LIMS2: variants seen among roughly 807,000 people sequenced by gnomAD.
LIMS2 encodes the protein LIM zinc finger domain containing 2.
LIMS2 carries 30 observed loss-of-function variants against 45.3 expected under a neutral mutation model. The observed-to-expected ratio is 0.66, with a 90% CI of 0.50 to 0.90. The LOEUF (loss-of-function observed/expected upper bound fraction) is 0.90, where lower values mean the gene tolerates loss of function less well. LIMS2 is among the 40% of genes least tolerant of loss of function. LIMS2 has a pLI of 0.00. For synonymous variants in LIMS2, 173 were observed against 188.0 expected (o/e 0.92, Z 0.65); for missense variants, 485 against 468.7 (o/e 1.03, Z -0.32).
chr2:127,654,669 T>C, intron 3 of LIMS2, 125 bp from the exon 4 acceptor site: 2 of 1,509,470 alleles, frequency 1.3e-6, no homozygotes, highest in Non-Finnish European at 1.8e-6. Flanking sequence ...CCTCGTGGGA[T>C]GGTGATGCCT....
chr2:127,650,536 T>A, intron 4 of LIMS2: 1 of 589,814 alleles, frequency 1.7e-6, no homozygotes, highest in South Asian at 2.2e-5. Flanking sequence ...AAGTTCAGAA[T>A]GCCTCTGACG....
chr2:127,643,084 G>A lies in LIMS2; in HGVS notation c.360-12C>T, dbSNP rs781031135. 2.1e-5 allele frequency: 33 copies of A among 1,558,234 alleles called. No individual in the cohort carries two copies. The highest frequency in any genetic ancestry group is 2.0e-4 in the Middle Eastern group (1 of 5,128). On this transcript the variant is annotated splice_polypyrimidine_tract_variant and intron_variant, in intron 4 of 9. Transcript: ENST00000355119. ...GCCGGCAGAGATGCCTGCGGGAGGCGGGGGCATTAGGGGCAGAGCCCCCAC... is the reference window on the plus strand; with the variant it reads ...GCCGGCAGAGATGCCTGCGGGAGGCAGGGGCATTAGGGGCAGAGCCCCCAC...
rs1178435739 is a variant in LIMS2, at chr2:127,668,693, A to C, written c.11+6321T>G. Among the ~76,000 whole-genome samples, 666 of 134,520 alleles carry C rather than the reference A, an allele frequency of 5.0e-3. 24 individuals are homozygous for C. Among genetic ancestry groups the C allele is most frequent in the African/African-American group, 0.019 (617 of 31,890 alleles). The allele number at this position is 134,520 out of a possible 152,430, so 88.3% of individuals were successfully genotyped here. A position where few individuals can be genotyped will look rare whatever the true frequency, so the allele number is the denominator to read the frequency against. On this transcript the variant is annotated intron_variant, in intron 1 of 9. Coordinates refer to ENST00000355119, the MANE Select transcript of LIMS2 (RefSeq NM_001161403.3). ...CAAAAAAAAAAAAAAAAAAAAAAAAAAAAAAAAAAAAAAAAAAACACCTTA... is the reference window on the plus strand; with the variant it reads ...CAAAAAAAAAAAAAAAAAAAAAAAACAAAAAAAAAAAAAAAAAACACCTTA...
chr2:127,654,629 C>T (rs1333269463), intron 3 of LIMS2, 85 bp from the exon 4 acceptor site: 2 of 1,588,664 alleles, frequency 1.3e-6, no homozygotes, highest in African/African-American at 1.3e-5. Flanking sequence ...ACCTAGCACT[C>T]CGCCTGCTCT....
rs36017044 is a variant in LIMS2 at position 127,644,316 on chromosome 2, C to T, written c.360-1244G>A. Among the ~76,000 whole-genome samples the T allele has an allele frequency of 2.7e-3, 406 of 152,300 alleles. 16 individuals are homozygous for T. In the East Asian group the frequency reaches 0.065, roughly 25 times the overall value. ...ACTCTACAAGAGAGGAAGGGAGCCT[C>T]GGTGGGCATCATCTCCCCTCGACTA... On this transcript the variant is annotated intron_variant, in intron 4 of 9. Coordinates refer to ENST00000355119, the MANE Select transcript of LIMS2 (RefSeq NM_001161403.3).
intron 1 of LIMS2, among the ~76,000 whole-genome samples, chr2:127,668,023 C>T (rs564452299): frequency 2.6e-5 from 4 of 152,246 alleles, no homozygotes; most frequent in East Asian, 1.9e-4. Context: ...ATACCAGAAT[C>T]GCTAGCAATG....
At chr2:127,645,195 C>T (rs1432553072) in intron 4 of LIMS2, among the ~76,000 whole-genome samples, 2 of 152,132 alleles carry the variant, frequency 1.3e-5, no homozygotes, top group Non-Finnish European at 2.9e-5. Flanking sequence ...CCTCAGTTTC[C>T]TTGTCTGTAA....
intron 4 of LIMS2, among the ~76,000 whole-genome samples, chr2:127,649,004 A>AGGGGGGGGAGGGGAGG (rs1683341940): frequency 6.7e-5 from 1 of 14,910 alleles, no homozygotes; most frequent in African/African-American, 2.4e-4. Flanking sequence ...AGGGGAGGGG[A>AGGGGGGGGAGGGGAGG]GGAAGGGGAG....
rs547341494 is a variant in LIMS2 at position 127,665,960 on chromosome 2, T to C, written c.12-8398A>G. On this transcript the variant is annotated intron_variant, in intron 1 of 9. Coordinates refer to ENST00000355119, the MANE Select transcript of LIMS2 (RefSeq NM_001161403.3). ...ACCAAGTACTAATCAATTCAACAAA[T>C]ATTTACTATAAAAGCGGACATCGAA... 1.4e-3 allele frequency among the ~76,000 whole-genome samples: 206 copies of C among 152,288 alleles called. 2 individuals are homozygous for C. Among genetic ancestry groups the C allele is most frequent in the Non-Finnish European group, 2.4e-3 (163 of 68,020 alleles).
At chr2:127,680,878 A>G (rs1685597978) in intron 1 of LIMS2, among the ~76,000 whole-genome samples, 1 of 152,052 alleles carries the variant, frequency 6.6e-6, no homozygotes, top group Admixed American at 6.6e-5. Flanking sequence ...ACATTTTAAC[A>G]CCTCAACACA....
chr2:127,643,250 G>A (rs750222899), intron 4 of LIMS2, 178 bp from the exon 5 acceptor site: 2 of 646,674 alleles, frequency 3.1e-6, no homozygotes, highest in Non-Finnish European at 5.3e-6. Context: ...GGTCACAAGT[G>A]TGTCCTGGGA....
chr2:127,640,468 G>A, intron 7 of LIMS2, 150 bp from the exon 8 acceptor site: 1 of 816,390 alleles, frequency 1.2e-6, no homozygotes, highest in Admixed American at 2.3e-5. Flanking sequence ...CTGGGTTGAG[G>A]GCACGGCAAC....
At position 127,665,083 on chromosome 2, in the gene LIMS2, T is replaced by A. The variant is rs527368903; in HGVS notation, c.12-7521A>T. ...GGTGGCAACCACCAGGAAGGCACCA[T>A]GTACCCCGCATTTTTACCCAGAGAG... On this transcript the variant is annotated intron_variant, in intron 1 of 9. Transcript: ENST00000355119. Among the ~76,000 whole-genome samples the A allele has an allele frequency of 2.6e-5, 4 of 152,218 alleles. No homozygotes were observed. In the East Asian group the frequency reaches 7.7e-4, roughly 29 times the overall value.
chr2:127,648,582 A>T (rs2105248876), intron 4 of LIMS2, among the ~76,000 whole-genome samples: 1 of 152,234 alleles, frequency 6.6e-6, no homozygotes, highest in African/African-American at 2.4e-5. Context: ...TGCCACCAGC[A>T]TCCTGAGACA....
At chr2:127,680,786 C>T (rs977959019) in intron 1 of LIMS2, among the ~76,000 whole-genome samples, 1 of 152,334 alleles carries the variant, frequency 6.6e-6, no homozygotes, top group Non-Finnish European at 1.5e-5. Flanking sequence ...ATCTCACTCT[C>T]GCCTTTGCTC....
chr2:127,639,178 G>C lies in LIMS2; in HGVS notation c.*103C>G, dbSNP rs1682131243. The C allele has an allele frequency of 1.7e-6, 2 of 1,210,624 alleles. No individual in the cohort carries two copies. Among genetic ancestry groups the C allele is most frequent in the Non-Finnish European group, 2.3e-6 (2 of 853,676 alleles). 75.0% of individuals were successfully genotyped at this position (1,210,624 alleles called of 1,614,324 possible). On this transcript the variant is annotated 3_prime_UTR_variant, in exon 10 of 10. Transcript: ENST00000355119. ...GGCAATGAGGAAAGAGAAAGGGAGGGTAAGATGCGGAGGGCACAGGTGGAT... is the reference window on the plus strand; with the variant it reads ...GGCAATGAGGAAAGAGAAAGGGAGGCTAAGATGCGGAGGGCACAGGTGGAT...
chr2:127,669,582 G>A (rs1221047933), intron 1 of LIMS2, among the ~76,000 whole-genome samples: 2 of 152,018 alleles, frequency 1.3e-5, no homozygotes. Context: ...GCCAGGCATG[G>A]TGGCACACGC....
At chr2:127,661,529 T>TAG (rs567827870) in intron 1 of LIMS2, among the ~76,000 whole-genome samples, 2 of 152,078 alleles carry the variant, frequency 1.3e-5, no homozygotes, top group Non-Finnish European at 2.9e-5. Flanking sequence ...TCCTTCAAGA[T>TAG]AGAGAGCACA....
chr2:127,638,987 T>A lies in LIMS2; in HGVS notation c.*294A>T. On this transcript the variant is annotated 3_prime_UTR_variant, in exon 10 of 10. Transcript: ENST00000355119. Reference sequence around the variant, plus strand: ...GGAGCTGTGGTGCAATTTGCTCCTGTCCCTGGAGGTCTGTGGGCGGAAGCT... The same window carrying A: ...GGAGCTGTGGTGCAATTTGCTCCTGACCCTGGAGGTCTGTGGGCGGAAGCT... The A allele has an allele frequency of 2.6e-6, 1 of 388,304 alleles. No individual in the cohort carries two copies. Among genetic ancestry groups the A allele is most frequent in the Non-Finnish European group, 4.7e-6 (1 of 212,768 alleles). 24.1% of individuals were successfully genotyped at this position (388,304 alleles called of 1,614,324 possible).
Sources: gnomAD v4.1 joint callset for allele counts (sites outside exome capture counted in the v4.1 genomes callset) on GRCh38, gnomAD v4.1.1 for gene constraint, MANE v1.5 for transcripts, NCBI Gene and HGNC (gene_info 2026-07-23, HGNC 2026-07-21) for gene names.